Variants in TPR observed in about 807,000 individuals in gnomAD.
TPR encodes translocated promoter region, nuclear basket protein.
A neutral mutation model predicts 316.1 loss-of-function variants in TPR; 51 were observed. The observed-to-expected ratio is 0.16, with a 90% CI of 0.13 to 0.20. The LOEUF is 0.20. TPR is among the 10% of genes least tolerant of loss of function. The pLI is 1.00. For synonymous variants in TPR, 981 were observed against 914.7 expected (o/e 1.07, Z -1.31); for missense variants, 2,272 against 2,754.8 (o/e 0.82, Z 3.92).
chr1:186,358,493 CTGGG>C (rs1172609548), intron 13 of TPR, 46 bp downstream of exon 13: 1 of 1,401,012 alleles, frequency 7.1e-7, no homozygotes, highest in South Asian at 1.2e-5. Flanking sequence ...TCAAAGATTA[CTGGG>C]CAGTCAGGTT....
intron 41 of TPR, 78 bp downstream of exon 41, chr1:186,326,024 CTT>C: frequency 6.3e-7 from 1 of 1,586,486 alleles, no homozygotes; most frequent in Non-Finnish European, 8.6e-7. Flanking sequence ...TTTCATAAGC[CTT>C]TCTATATCCT....
chr1:186,348,461 C>A (rs1258245299), intron 21 of TPR, among the ~76,000 whole-genome samples: 4 of 152,182 alleles, frequency 2.6e-5, no homozygotes, highest in East Asian at 3.8e-4. Flanking sequence ...TGAACACAGA[C>A]CCTTATCAGT....
intron 21 of TPR, among the ~76,000 whole-genome samples, chr1:186,349,798 G>A (rs953821511): frequency 1.3e-5 from 2 of 152,082 alleles, no homozygotes; most frequent in African/African-American, 2.4e-5. Flanking sequence ...GGCTACCAAC[G>A]AGCAAATATT....
chr1:186,315,634 C>T (rs1170828199), intron 49 of TPR, among the ~76,000 whole-genome samples: 1 of 151,712 alleles, frequency 6.6e-6, no homozygotes, highest in Non-Finnish European at 1.5e-5. Context: ...CCAAACTGAT[C>T]AGATCATGTC....
rs779146545 is a variant in TPR at position 186,361,721 on chromosome 1, T to C, written c.871-12A>G. 3 of 1,613,310 alleles carry C rather than the reference T, an allele frequency of 1.9e-6. No individual in the cohort carries two copies. The highest frequency in any genetic ancestry group is 2.7e-5 in the African/African-American group (2 of 75,002). ...TCATCAGCGGCACTCTAAAAGTTAA[T>C]CTTAAAAAGTTACCTAACAGTCAAC... On this transcript the variant is annotated splice_polypyrimidine_tract_variant and intron_variant, in intron 8 of 50. Coordinates refer to ENST00000367478, the MANE Select transcript of TPR (RefSeq NM_003292.3).
intron 4 of TPR, among the ~76,000 whole-genome samples, chr1:186,365,608 A>G (rs1378803214): frequency 6.6e-6 from 1 of 152,216 alleles, no homozygotes; most frequent in Non-Finnish European, 1.5e-5. Flanking sequence ...GAGAACCCCA[A>G]CAGAGAAAAT....
At chr1:186,314,056 ATATCTTT>A in intron 50 of TPR, 30 bp from the exon 51 acceptor site, 1 of 1,595,788 alleles carries the variant, frequency 6.3e-7, no homozygotes. Context: ...CAAATTGAAT[ATATCTTT>A]TAAGAATTCA....
intron 46 of TPR, 130 bp from the exon 47 acceptor site, chr1:186,318,958 C>A (rs1657691696): frequency 2.4e-6 from 2 of 839,718 alleles, no homozygotes; most frequent in South Asian, 3.6e-5. Flanking sequence ...TTTAATTATT[C>A]CATCAAGCAA....
chr1:186,346,315 T>TA, intron 22 of TPR, 28 bp from the exon 23 acceptor site: 1 of 1,580,774 alleles, frequency 6.3e-7, no homozygotes, highest in South Asian at 1.2e-5. Flanking sequence ...CAGTAGGATA[T>TA]AAAAATTACA....
rs543482642 is a variant in TPR, at chr1:186,358,828, A to C, written c.1390-178T>G. ...TATAAATTTGAATATGTTATTTCTC[A>C]TTCAGACAATAACAAGCTTCAGGTA... On this transcript the variant is annotated intron_variant, in intron 12 of 50. Transcript: ENST00000367478. Among the ~76,000 whole-genome samples, 5 of 152,290 alleles carry C rather than the reference A, an allele frequency of 3.3e-5. No homozygotes were observed. In the South Asian group the frequency reaches 1.0e-3, roughly 32 times the overall value.
chr1:186,332,478 C>A, intron 37 of TPR, 135 bp from the exon 38 acceptor site: 2 of 922,180 alleles, frequency 2.2e-6, no homozygotes, highest in Non-Finnish European at 3.1e-6. Flanking sequence ...AAAATACAAT[C>A]AATCAACTCC....
chr1:186,318,305 G>A (rs752127509), intron 48 of TPR, 142 bp downstream of exon 48: 2 of 1,096,724 alleles, frequency 1.8e-6, no homozygotes, highest in Non-Finnish European at 2.5e-6. Flanking sequence ...TCCAGCATGG[G>A]CGACAGAGCG....
At chr1:186,352,443 G>C (rs1558022756) in intron 18 of TPR, among the ~76,000 whole-genome samples, 2 of 152,106 alleles carry the variant, frequency 1.3e-5, no homozygotes, top group African/African-American at 4.8e-5. Context: ...ATTCATACCT[G>C]ACTACTATTA....
intron 26 of TPR, 112 bp downstream of exon 26, chr1:186,343,790 AAAAG>A (rs1276021564): frequency 2.3e-5 from 23 of 1,017,960 alleles, no homozygotes; most frequent in Middle Eastern, 2.8e-4. Context: ...TTTGACAAAT[AAAAG>A]AATGAACTTT....
chr1:186,325,839 C>G lies in TPR; in HGVS notation c.6037G>C (p.Asp2013His). The G allele has an allele frequency of 6.2e-7, 1 of 1,613,526 alleles. No homozygotes were observed. Among genetic ancestry groups the G allele is most frequent in the African/African-American group, 1.3e-5 (1 of 74,980 alleles). The change falls in exon 42 of 51, where the codon GAT (aspartate) becomes CAT (histidine). Residue 2013 changes from aspartate (D) to histidine (H), a missense_variant. Coordinates refer to ENST00000367478, the MANE Select transcript of TPR (RefSeq NM_003292.3). ...CTTTCTTCTGTTTCTGTACCTGGAT[C>G]AGTCCCATCACCACCCTAAAAACAA... is the stretch of plus-strand genomic sequence containing the variant. ...ADDAEGGDGT[D>H]PGTETEESMG...
chr1:186,359,728 A>T, intron 12 of TPR, 71 bp downstream of exon 12: 1 of 1,489,728 alleles, frequency 6.7e-7, no homozygotes, highest in African/African-American at 1.5e-5. Flanking sequence ...CACCTTAAGA[A>T]AAAAAAATAC....
rs746226312 is a variant in TPR, at chr1:186,336,686, A to G, written c.4515T>C (p.Ser1505=). The change falls in exon 33 of 51, where the codon TCT becomes TCC. Residue 1505 remains serine (S), a synonymous_variant. Transcript: ENST00000367478. ...SQVENLQKTL[S]EKETEARNLQ... The stretch of plus-strand genomic sequence containing the variant: ...GATTTCTTGCTTCTGTCTCTTTTTC[A>G]GATAATGTCTTTAAAGGAAAACAAA... 6.2e-7 allele frequency: 1 copy of G among 1,612,980 alleles called. No individual in the cohort carries two copies. The highest frequency in any genetic ancestry group is 2.2e-5 in the East Asian group (1 of 44,856).
At chr1:186,363,266 C>T in intron 5 of TPR, 76 bp downstream of exon 5, 2 of 1,247,478 alleles carry the variant, frequency 1.6e-6, no homozygotes, top group Non-Finnish European at 1.1e-6. Flanking sequence ...ACTTTATTGC[C>T]TATATTTGAA....
chr1:186,320,348 T>C lies in TPR; in HGVS notation c.6532A>G (p.Ser2178Gly). 1 of 1,613,184 alleles carries C rather than the reference T, an allele frequency of 6.2e-7. No individual in the cohort carries two copies. The highest frequency in any genetic ancestry group is 1.7e-5 in the Admixed American group (1 of 59,936). ...PPEDMPQTSS[S>G]HSDLGQLASQ... ...GCAAGCTGGCCAAGATCAGAGTGAC[T>C]AGAACTTGTTTGTGGCATATCTTCA... is the stretch of plus-strand genomic sequence containing the variant. Residue 2178 changes from serine (S) to glycine (G), a missense_variant, in exon 46 of 51, where the codon AGT (serine) becomes GGT (glycine). Ser to Gly is a moderately conservative substitution (Grantham distance 56). Coordinates refer to ENST00000367478, the MANE Select transcript of TPR (RefSeq NM_003292.3).
Sources: gnomAD v4.1 joint callset for allele counts (sites outside exome capture counted in the v4.1 genomes callset) on GRCh38, gnomAD v4.1.1 for gene constraint, MANE v1.5 for transcripts, NCBI Gene and HGNC (gene_info 2026-07-23, HGNC 2026-07-21) for gene names.